The following MAPK10 variants were observed in gnomAD, a reference collection of about 807,000 sequenced individuals.
MAPK10 encodes mitogen-activated protein kinase 10.
Under a neutral mutation model 59.3 loss-of-function variants are expected in MAPK10, and 25 were observed. That is an observed-to-expected ratio of 0.42 (90% CI 0.31 to 0.59). MAPK10 has a LOEUF of 0.59. Among genes scored for constraint, MAPK10 ranks in the 20% least tolerant of loss-of-function variants. MAPK10 has a pLI of 0.15. For missense variants in MAPK10, 351 were observed against 568.9 expected (o/e 0.62, Z 3.90); for synonymous variants, 190 against 200.5 (o/e 0.95, Z 0.44).
chr4:86,397,249 T>C (rs1017576549), intron 1 of MAPK10, among the ~76,000 whole-genome samples: 5 of 152,202 alleles, frequency 3.3e-5, no homozygotes, highest in African/African-American at 7.2e-5. Flanking sequence ...GTCTAACTTA[T>C]TGAGAACCTG....
intron 4 of MAPK10, among the ~76,000 whole-genome samples, chr4:86,157,846 T>C (rs1025806740): frequency 1.3e-5 from 2 of 152,016 alleles, no homozygotes; most frequent in South Asian, 4.1e-4. Flanking sequence ...TAAAGGTCTA[T>C]CAGTTTTCTT....
intron 2 of MAPK10, among the ~76,000 whole-genome samples, chr4:86,202,987 G>C (rs961042230): frequency 3.3e-5 from 5 of 151,958 alleles, no homozygotes; most frequent in East Asian, 3.9e-4. Flanking sequence ...GCATGGCAGA[G>C]AGCATTTGGC....
intron 1 of MAPK10, chr4:86,384,024 A>C (rs968507421): frequency 6.6e-6 from 1 of 152,184 alleles, no homozygotes; most frequent in African/African-American, 2.4e-5. Context: ...AGCCTAATAG[A>C]CTAGTTTGTA....
chr4:86,187,839 T>C lies in MAPK10; in HGVS notation c.66+6497A>G, dbSNP rs140789800. 8.4e-3 allele frequency among the ~76,000 whole-genome samples: 1,281 copies of C among 152,272 alleles called. 20 individuals are homozygous for C. Among genetic ancestry groups the C allele is most frequent in the African/African-American group, 0.029 (1,221 of 41,560 alleles). Reference sequence around the variant, plus strand: ...AACATGAAGGTTTGTTACATAGGTATACATGTGCCATGGTGGTTTGCTGCA... The same window carrying C: ...AACATGAAGGTTTGTTACATAGGTACACATGTGCCATGGTGGTTTGCTGCA... On this transcript the variant is annotated intron_variant, in intron 3 of 13. Transcript: ENST00000641462.
chr4:86,555,138 T>A (rs1291763720), intron 1 of MAPK10, among the ~76,000 whole-genome samples: 1 of 152,226 alleles, frequency 6.6e-6, no homozygotes. Flanking sequence ...CCTTTTCCAT[T>A]AAACTAAGTT....
intron 3 of MAPK10, among the ~76,000 whole-genome samples, chr4:86,189,468 C>G (rs894523009): frequency 1.3e-5 from 2 of 152,050 alleles, no homozygotes; most frequent in Non-Finnish European, 2.9e-5. Context: ...CATTCGCATC[C>G]CTTTTAATTG....
chr4:86,297,426 C>T (rs1261649216), intron 2 of MAPK10, among the ~76,000 whole-genome samples: 3 of 152,162 alleles, frequency 2.0e-5, no homozygotes, highest in Non-Finnish European at 2.9e-5. Context: ...TCTCCTGCCT[C>T]AGCCTCCCGA....
chr4:86,582,517 G>A (rs906921210), intron 1 of MAPK10, among the ~76,000 whole-genome samples: 5 of 152,012 alleles, frequency 3.3e-5, no homozygotes, highest in African/African-American at 9.7e-5. Flanking sequence ...TAACTACCTT[G>A]GCTCTTTGCC....
At chr4:86,485,348 A>T (rs114578970) in intron 1 of MAPK10, among the ~76,000 whole-genome samples, 47 of 152,268 alleles carry the variant, frequency 3.1e-4, no homozygotes, top group Non-Finnish European at 6.5e-4. Context: ...ATAATATTTG[A>T]CTTTTTGATT....
chr4:86,378,400 G>A (rs573650313), intron 1 of MAPK10, among the ~76,000 whole-genome samples: 2 of 152,268 alleles, frequency 1.3e-5, no homozygotes, highest in East Asian at 3.9e-4. Flanking sequence ...GAACTCTGGA[G>A]AGGACTTTTT....
intron 4 of MAPK10, among the ~76,000 whole-genome samples, chr4:86,134,806 G>C (rs942205356): frequency 1.8e-4 from 27 of 152,174 alleles, no homozygotes; most frequent in African/African-American, 6.3e-4. Flanking sequence ...CCAAGACGGT[G>C]GGCGCAGGTC....
At chr4:86,559,242 G>A (rs928469954) in intron 1 of MAPK10, among the ~76,000 whole-genome samples, 1 of 150,732 alleles carries the variant, frequency 6.6e-6, no homozygotes, top group South Asian at 2.1e-4. Context: ...TATACCCTAC[G>A]TGACTAGCAA....
chr4:86,088,998 C>T (rs1258836402), intron 9 of MAPK10, among the ~76,000 whole-genome samples: 1 of 152,112 alleles, frequency 6.6e-6, no homozygotes, highest in Non-Finnish European at 1.5e-5. Flanking sequence ...TTGACTCTTT[C>T]ATATTTGTTA....
At chr4:86,322,790 T>C (rs1031331392) in intron 2 of MAPK10, among the ~76,000 whole-genome samples, 8 of 152,236 alleles carry the variant, frequency 5.3e-5, no homozygotes, top group African/African-American at 1.7e-4. Context: ...GTGGCTTATA[T>C]GCTCATCGAA....
chr4:86,144,123 G>C (rs933484075), intron 4 of MAPK10, among the ~76,000 whole-genome samples: 2 of 152,038 alleles, frequency 1.3e-5, no homozygotes, highest in Non-Finnish European at 2.9e-5. Context: ...TTTGATTTCT[G>C]CACACTTAAC....
intron 2 of MAPK10, among the ~76,000 whole-genome samples, chr4:86,343,635 C>G (rs1726394996): frequency 6.6e-6 from 1 of 152,104 alleles, no homozygotes; most frequent in Non-Finnish European, 1.5e-5. Flanking sequence ...CATGTGGCCC[C>G]CAAATTAGTC....
chr4:86,507,247 A>G (rs1219694810), intron 1 of MAPK10, among the ~76,000 whole-genome samples: 1 of 152,120 alleles, frequency 6.6e-6, no homozygotes, highest in Non-Finnish European at 1.5e-5. Context: ...CATTAAACAT[A>G]AAAGAATAAA....
intron 1 of MAPK10, among the ~76,000 whole-genome samples, chr4:86,515,942 A>T (rs1756629609): frequency 6.6e-6 from 1 of 151,194 alleles, no homozygotes; most frequent in Admixed American, 6.6e-5. Context: ...GTTCTTGGTC[A>T]TGAACTCTTT....
At chr4:86,309,258 C>T (rs1280883749) in intron 2 of MAPK10, among the ~76,000 whole-genome samples, 1 of 152,202 alleles carries the variant, frequency 6.6e-6, no homozygotes, top group Non-Finnish European at 1.5e-5. Context: ...AGCAGTCCCA[C>T]ATTCCCCACT....
Sources: gnomAD v4.1 joint callset for allele counts (sites outside exome capture counted in the v4.1 genomes callset) on GRCh38, gnomAD v4.1.1 for gene constraint, MANE v1.5 for transcripts, NCBI Gene and HGNC (gene_info 2026-07-23, HGNC 2026-07-21) for gene names.